Variants in TGFBR2 observed in about 807,000 individuals in gnomAD.
TGFBR2 encodes transforming growth factor beta receptor 2.
TGFBR2 carries 18 observed loss-of-function variants against 49.0 expected under a neutral mutation model. The ratio of observed to expected loss-of-function variants is 0.37; its 90% confidence interval spans 0.25 to 0.54. The LOEUF is 0.54. Ranked by LOEUF, TGFBR2 falls within the 20% of genes least tolerant of loss-of-function variation. TGFBR2 has a pLI of 0.85. For synonymous variants in TGFBR2, 282 were observed against 275.9 expected (o/e 1.02, Z -0.22); for missense variants, 525 against 722.6 (o/e 0.73, Z 3.13).
intron 1 of TGFBR2, chr3:30,623,303 A>G (rs1404751157): frequency 6.2e-7 from 1 of 1,612,450 alleles, no homozygotes; most frequent in Non-Finnish European, 8.5e-7. Context: ...TCTTTTCATC[A>G]TTTTTCTATT....
rs61296907 is a variant in TGFBR2, at chr3:30,636,155, A to ATGTGTGTGTGTG, written c.95-8558_95-8547dup. Among the ~76,000 whole-genome samples the ATGTGTGTGTGTG allele has an allele frequency of 4.4e-3, 588 of 134,700 alleles. 1 individual carries two copies. Among genetic ancestry groups the ATGTGTGTGTGTG allele is most frequent in the East Asian group, 8.8e-3 (39 of 4,426 alleles). 88.4% of individuals were successfully genotyped at this position (134,700 alleles called of 152,430 possible). A position where few individuals can be genotyped will look rare whatever the true frequency, so the allele number is the denominator to read the frequency against. ...AGTTTCAGTGTGAAAATATATATGT[A>ATGTGTGTGTGTG]TGTGTGTGTGTGTGTGTGTGTGTGT... On this transcript the variant is annotated intron_variant, in intron 1 of 6. Transcript: ENST00000295754.
intron 5 of TGFBR2, among the ~76,000 whole-genome samples, chr3:30,682,997 TA>T (rs1699563567): frequency 6.6e-6 from 1 of 152,190 alleles, no homozygotes; most frequent in African/African-American, 2.4e-5. Flanking sequence ...GAAAGCTTCC[TA>T]AAAAGGCAAA....
chr3:30,664,880 A>G (rs1699217062), intron 3 of TGFBR2, among the ~76,000 whole-genome samples: 1 of 152,280 alleles, frequency 6.6e-6, no homozygotes, highest in African/African-American at 2.4e-5. Context: ...CTTGATAAAA[A>G]GCAAATCAAC....
At chr3:30,649,876 A>T (rs1398253405) in intron 2 of TGFBR2, among the ~76,000 whole-genome samples, 1 of 152,202 alleles carries the variant, frequency 6.6e-6, no homozygotes, top group Non-Finnish European at 1.5e-5. Context: ...TGAGGTTTGC[A>T]TTACATTCAG....
chr3:30,652,232 G>GTTT (rs11386584), intron 3 of TGFBR2, among the ~76,000 whole-genome samples: 1,531 of 96,932 alleles, frequency 0.016, 115 homozygotes, highest in African/African-American at 0.04. Flanking sequence ...TTTTCTGGTT[G>GTTT]TTTTTTTTTT....
chr3:30,606,960 C>T lies in TGFBR2; in HGVS notation c.77C>T (p.Pro26Leu), dbSNP rs2125438811. The change falls in exon 1 of 7, where the codon CCG becomes CTG. Residue 26 changes from proline (P) to leucine (L), a missense_variant. Around this residue, in one of 3 missense-constraint regions of TGFBR2, gnomAD observed 376 missense variants for 478.2 expected, o/e 0.79. Transcript: ENST00000295754. ...ACGCGTATCGCCAGCACGATCCCAC[C>T]GCACGTTCAGAAGTCGGGTGAGTGG... ...LWTRIASTIP[P>L]HVQKSVNNDM... 6.2e-7 allele frequency: 1 copy of T among 1,601,176 alleles called. No homozygotes were observed.
chr3:30,624,146 A>G (rs1575134326), intron 1 of TGFBR2, among the ~76,000 whole-genome samples: 1 of 151,914 alleles, frequency 6.6e-6, no homozygotes, highest in East Asian at 1.9e-4. Context: ...CCATCTCAAA[A>G]AACAAACAAA....
chr3:30,664,876 A>G (rs1027765845), intron 3 of TGFBR2, among the ~76,000 whole-genome samples: 18 of 152,282 alleles, frequency 1.2e-4, no homozygotes, highest in Non-Finnish European at 1.5e-5. Flanking sequence ...GTGTCTTGAT[A>G]AAAAGCAAAT....
intron 5 of TGFBR2, 106 bp from the exon 6 acceptor site, chr3:30,688,278 G>A: frequency 6.9e-7 from 1 of 1,446,468 alleles, no homozygotes; most frequent in Admixed American, 1.7e-5. Context: ...GTATGTATTT[G>A]TTACTTAGTG....
intron 6 of TGFBR2, 127 bp from the exon 7 acceptor site, chr3:30,691,293 C>T (rs1699704767): frequency 2.0e-6 from 2 of 1,013,778 alleles, no homozygotes; most frequent in Non-Finnish European, 3.0e-6. Flanking sequence ...TCAGTCAGCA[C>T]ATGTTAAATG....
intron 1 of TGFBR2, among the ~76,000 whole-genome samples, chr3:30,621,889 C>A (rs1005790422): frequency 3.3e-5 from 5 of 152,182 alleles, no homozygotes; most frequent in Non-Finnish European, 7.3e-5. Context: ...ATAACTGCTG[C>A]AGCCGTAGTT....
intron 1 of TGFBR2, among the ~76,000 whole-genome samples, chr3:30,637,590 A>G (rs540276423): frequency 1.1e-3 from 162 of 152,332 alleles, no homozygotes; most frequent in African/African-American, 3.6e-3. Context: ...TCTAAGGGCA[A>G]TAGAAGACAC....
chr3:30,618,433 T>G (rs1013423774), intron 1 of TGFBR2, among the ~76,000 whole-genome samples: 3 of 151,946 alleles, frequency 2.0e-5, no homozygotes, highest in African/African-American at 7.3e-5. Context: ...AGACACGGTT[T>G]CACCATGTTG....
intron 1 of TGFBR2, among the ~76,000 whole-genome samples, chr3:30,621,962 A>G (rs1017025653): frequency 6.6e-6 from 1 of 152,192 alleles, no homozygotes; most frequent in East Asian, 1.9e-4. Flanking sequence ...TTTCATATAT[A>G]TAAGCAACTT....
rs190367773 is a variant in TGFBR2, at chr3:30,687,681, T to C, written c.1397-703T>C. On this transcript the variant is annotated intron_variant, in intron 5 of 6. Transcript: ENST00000295754. ...CTACAACCATCACCATTATTCATTT[T>C]TCTGTACTGAAATTTGCTCAACTGA... 2.6e-3 allele frequency among the ~76,000 whole-genome samples: 391 copies of C among 152,350 alleles called. 3 individuals are homozygous for C. Among genetic ancestry groups the C allele is most frequent in the African/African-American group, 9.0e-3 (373 of 41,584 alleles).
intron 3 of TGFBR2, among the ~76,000 whole-genome samples, chr3:30,661,911 C>T (rs966050049): frequency 3.3e-5 from 5 of 152,150 alleles, no homozygotes; most frequent in Non-Finnish European, 7.3e-5. Flanking sequence ...GCGCTATATG[C>T]TGGGCAGGCT....
chr3:30,652,564 G>A (rs928720476), intron 3 of TGFBR2, among the ~76,000 whole-genome samples: 1 of 152,050 alleles, frequency 6.6e-6, no homozygotes, highest in Non-Finnish European at 1.5e-5. Context: ...GAGTTAGGAG[G>A]GAAATCTAAA....
rs1010949252 is a variant in TGFBR2 at position 30,676,370 on chromosome 3, T to C, written c.1396+2124T>C. ...TGATGATCTATGACTAATTCCTGCC[T>C]ATAACAATTATTACTATAATGTTTA... On this transcript the variant is annotated intron_variant, in intron 5 of 6. Coordinates refer to ENST00000295754, the MANE Select transcript of TGFBR2 (RefSeq NM_003242.6). This position sits in a 1 kb window ranked among gnomAD's most constrained non-coding sequence, Gnocchi z 4.3. 6.6e-6 allele frequency among the ~76,000 whole-genome samples: 1 copy of C among 152,236 alleles called. No homozygotes were observed. Among genetic ancestry groups the C allele is most frequent in the African/African-American group, 2.4e-5 (1 of 41,460 alleles).
intron 3 of TGFBR2, among the ~76,000 whole-genome samples, chr3:30,665,157 A>G (rs1699221278): frequency 6.6e-6 from 1 of 152,216 alleles, no homozygotes; most frequent in Non-Finnish European, 1.5e-5. Flanking sequence ...CTAAAGCGAG[A>G]GTATATATGC....
Sources: allele counts gnomAD v4.1 joint callset (sites outside exome capture counted in the v4.1 genomes callset), GRCh38; gene constraint gnomAD v4.1.1; regional missense constraint gnomAD v4.1.1; non-coding constraint Gnocchi (gnomAD v3.1); transcripts MANE v1.5; gene names NCBI Gene and HGNC (gene_info 2026-07-23, HGNC 2026-07-21).